The following TNR variants were observed in gnomAD, a reference collection of about 807,000 sequenced individuals.
TNR encodes tenascin-R.
In TNR, 45 loss-of-function variants were observed where a neutral mutation model predicts 150.4. The observed-to-expected ratio is 0.30, with a 90% CI of 0.24 to 0.38. The LOEUF is 0.38. Among genes scored for constraint, TNR ranks in the 10% least tolerant of loss-of-function variants. TNR has a pLI of 1.00. For synonymous variants in TNR, 687 were observed against 678.4 expected (o/e 1.01, Z -0.20); for missense variants, 1,544 against 1,759.1 (o/e 0.88, Z 2.19).
intron 7 of TNR, among the ~76,000 whole-genome samples, chr1:175,387,848 G>C (rs377215806): frequency 2.5e-4 from 38 of 152,246 alleles, no homozygotes; most frequent in South Asian, 2.3e-3. Flanking sequence ...CCTTTCCCTG[G>C]GTACCCCTCC....
At chr1:175,720,390 G>A (rs779494264) in intron 1 of TNR, among the ~76,000 whole-genome samples, 7 of 152,130 alleles carry the variant, frequency 4.6e-5, no homozygotes, top group Non-Finnish European at 8.8e-5. Flanking sequence ...CTAGTACTGT[G>A]GAAAATGAAT....
intron 1 of TNR, among the ~76,000 whole-genome samples, chr1:175,722,127 T>C (rs1667322324): frequency 6.6e-6 from 1 of 152,070 alleles, no homozygotes; most frequent in Admixed American, 6.5e-5. Context: ...CTGGTCCCCT[T>C]GGGCGGCAGC....
intron 1 of TNR, among the ~76,000 whole-genome samples, chr1:175,575,037 T>C (rs1448338661): frequency 6.6e-6 from 1 of 152,224 alleles, no homozygotes; most frequent in Non-Finnish European, 1.5e-5. Context: ...TATCTCTTGC[T>C]CTCTGCCTTC....
rs1417931370 is a variant in TNR, at chr1:175,742,991, CA to C, written c.-165+234del. ...ACACACACACACACACACACACACA[CA>C]CACCCGCAAGGCCAGAGTCCAATCC... On this transcript the variant is annotated intron_variant, in intron 1 of 22. Coordinates refer to ENST00000367674, the MANE Select transcript of TNR (RefSeq NM_003285.3). Among the ~76,000 whole-genome samples the C allele has an allele frequency of 2.4e-3, 367 of 152,090 alleles. 2 individuals carry two copies. The highest frequency in any genetic ancestry group is 5.3e-3 in the African/African-American group (220 of 41,480).
chr1:175,680,743 G>A (rs1666009654), intron 1 of TNR, among the ~76,000 whole-genome samples: 1 of 152,208 alleles, frequency 6.6e-6, no homozygotes, highest in Non-Finnish European at 1.5e-5. Flanking sequence ...TTATAAAGGG[G>A]TGCTATGAGC....
intron 1 of TNR, among the ~76,000 whole-genome samples, chr1:175,541,327 C>G (rs1301152016): frequency 3.3e-5 from 5 of 152,244 alleles, no homozygotes; most frequent in Non-Finnish European, 5.9e-5. Context: ...TTAGGGCTCC[C>G]CATGGCAGCT....
At chr1:175,695,714 A>C (rs1355604777) in intron 1 of TNR, among the ~76,000 whole-genome samples, 1 of 151,914 alleles carries the variant, frequency 6.6e-6, no homozygotes, top group Non-Finnish European at 1.5e-5. Context: ...TTTTTCAGAG[A>C]AATCTTTTTT....
chr1:175,444,887 A>G (rs1410788637), intron 2 of TNR, among the ~76,000 whole-genome samples: 1 of 152,202 alleles, frequency 6.6e-6, no homozygotes, highest in Non-Finnish European at 1.5e-5. Flanking sequence ...GGGAGAGGGG[A>G]AAGCCTGTGC....
At chr1:175,408,582 G>C (rs1349096834) in intron 2 of TNR, among the ~76,000 whole-genome samples, 8 of 152,192 alleles carry the variant, frequency 5.3e-5, no homozygotes, top group Admixed American at 5.2e-4. Flanking sequence ...GGAGCCTATA[G>C]AGTCTCTGTT....
chr1:175,565,385 C>A (rs545551580), intron 1 of TNR, among the ~76,000 whole-genome samples: 2 of 152,164 alleles, frequency 1.3e-5, no homozygotes, highest in African/African-American at 2.4e-5. Flanking sequence ...ATAGGTTGAC[C>A]TTTACAAATA....
At chr1:175,437,042 A>G (rs1557933607) in intron 2 of TNR, among the ~76,000 whole-genome samples, 1 of 152,256 alleles carries the variant, frequency 6.6e-6, no homozygotes, top group Non-Finnish European at 1.5e-5. Context: ...AGACATCTAC[A>G]GAACTCTCCA....
chr1:175,740,315 A>C (rs1667891192), intron 1 of TNR, among the ~76,000 whole-genome samples: 1 of 152,260 alleles, frequency 6.6e-6, no homozygotes. Context: ...ATTGGAAAGA[A>C]GCACAGGGAA....
intron 1 of TNR, among the ~76,000 whole-genome samples, chr1:175,624,945 T>C (rs12028779): frequency 0.43 from 65,437 of 152,122 alleles, 14,361 homozygotes; most frequent in African/African-American, 0.52. Flanking sequence ...ACCTCCTGCT[T>C]CAGATTTCCC....
chr1:175,536,321 G>T (rs1660281537), intron 1 of TNR, among the ~76,000 whole-genome samples: 1 of 152,148 alleles, frequency 6.6e-6, no homozygotes, highest in Admixed American at 6.5e-5. Context: ...ATTAAAAAGG[G>T]TCAGAACCCT....
intron 2 of TNR, among the ~76,000 whole-genome samples, chr1:175,458,342 A>G (rs926775349): frequency 2.0e-5 from 3 of 152,182 alleles, no homozygotes; most frequent in African/African-American, 7.2e-5. Flanking sequence ...TCATTTGTTC[A>G]ATATATATAT....
intron 22 of TNR, 22 bp downstream of exon 22, chr1:175,324,334 G>A (rs1649233194): frequency 6.2e-7 from 1 of 1,608,912 alleles, no homozygotes; most frequent in Admixed American, 1.7e-5. Flanking sequence ...CTCATTCATA[G>A]CAGAGGTGGA....
At chr1:175,379,763 A>T in intron 8 of TNR, 26 bp from the exon 9 acceptor site, 1 of 1,611,128 alleles carries the variant, frequency 6.2e-7, no homozygotes, top group Non-Finnish European at 8.5e-7. Context: ...CATCACCAAC[A>T]TCGCACATGA....
At chr1:175,608,172 A>C (rs1049307213) in intron 1 of TNR, among the ~76,000 whole-genome samples, 1 of 152,262 alleles carries the variant, frequency 6.6e-6, no homozygotes, top group Non-Finnish European at 1.5e-5. Flanking sequence ...AAGTGAATCC[A>C]ATCAGTAAAA....
At chr1:175,713,703 G>C (rs1362430293) in intron 1 of TNR, among the ~76,000 whole-genome samples, 2 of 152,156 alleles carry the variant, frequency 1.3e-5, no homozygotes, top group Admixed American at 6.5e-5. Flanking sequence ...AAAGGAAAAA[G>C]TCTTAGGAGA....
Sources: gnomAD v4.1 joint callset for allele counts (sites outside exome capture counted in the v4.1 genomes callset) on GRCh38, gnomAD v4.1.1 for gene constraint, MANE v1.5 for transcripts, NCBI Gene and HGNC (gene_info 2026-07-23, HGNC 2026-07-21) for gene names.